The following TTC29 variants were observed in gnomAD, a reference collection of about 807,000 sequenced individuals.
TTC29 encodes tetratricopeptide repeat domain 29, also known as tetratricopeptide repeat protein 29.
In TTC29, 49 loss-of-function variants were observed where a neutral mutation model predicts 58.1. That is an observed-to-expected ratio of 0.84 (90% CI 0.67 to 1.07). TTC29 has a LOEUF of 1.07. TTC29 is among the 50% of genes least tolerant of loss of function. TTC29 has a pLI of 0.00. For missense variants in TTC29, 582 were observed against 555.6 expected, an observed-to-expected ratio of 1.05 and a Z score of -0.48; for synonymous variants, 209 against 196.8, an observed-to-expected ratio of 1.06 and a Z score of -0.52.
At chr4:146,837,485 C>T (rs1728587683) in intron 8 of TTC29, among the ~76,000 whole-genome samples, 1 of 152,030 alleles carries the variant, frequency 6.6e-6, no homozygotes, top group Non-Finnish European at 1.5e-5. Flanking sequence ...ACATGTACCG[C>T]TGAACTTAAA....
chr4:146,837,452 G>A (rs543142043), intron 8 of TTC29, among the ~76,000 whole-genome samples: 14 of 152,126 alleles, frequency 9.2e-5, no homozygotes, highest in Non-Finnish European at 1.9e-4. Flanking sequence ...TGTGACACAA[G>A]TCTACCTATA....
intron 6 of TTC29, among the ~76,000 whole-genome samples, chr4:146,885,470 GTATC>G (rs1731920113): frequency 6.6e-6 from 1 of 151,756 alleles, no homozygotes; most frequent in Non-Finnish European, 1.5e-5. Context: ...AATTTTCTAC[GTATC>G]TAGATTATTT....
chr4:146,836,111 A>T (rs1421431212), intron 8 of TTC29, among the ~76,000 whole-genome samples: 8 of 152,142 alleles, frequency 5.3e-5, no homozygotes, highest in Non-Finnish European at 1.0e-4. Context: ...TAAAAAAGAA[A>T]ATCTACTTCT....
At chr4:146,770,345 C>A (rs1747639436) in intron 11 of TTC29, among the ~76,000 whole-genome samples, 1 of 151,864 alleles carries the variant, frequency 6.6e-6, no homozygotes, top group South Asian at 2.1e-4. Flanking sequence ...AATGTCCACA[C>A]TGCCAGGAAC....
chr4:146,760,821 CTA>C (rs551615845), intron 11 of TTC29, among the ~76,000 whole-genome samples: 12 of 139,924 alleles, frequency 8.6e-5, no homozygotes, highest in South Asian at 4.5e-4. Context: ...TGATGGAATA[CTA>C]TATATATATA....
intron 8 of TTC29, among the ~76,000 whole-genome samples, chr4:146,847,850 C>T (rs188207149): frequency 6.6e-6 from 1 of 152,300 alleles, no homozygotes; most frequent in African/African-American, 2.4e-5. Flanking sequence ...TGTCTTCACT[C>T]GCATACCTGC....
At chr4:146,831,419 T>TAAAAG (rs1728151862) in intron 9 of TTC29, among the ~76,000 whole-genome samples, 1 of 152,140 alleles carries the variant, frequency 6.6e-6, no homozygotes, top group Non-Finnish European at 1.5e-5. Context: ...ATAAAAAGAA[T>TAAAAG]TAGTTTACTT....
At chr4:146,860,527 ACT>A (rs1730159180) in intron 8 of TTC29, among the ~76,000 whole-genome samples, 1 of 152,116 alleles carries the variant, frequency 6.6e-6, no homozygotes. Flanking sequence ...TCCTATATTC[ACT>A]GTTTCTTCCT....
intron 4 of TTC29, among the ~76,000 whole-genome samples, chr4:146,931,670 CT>C (rs929046011): frequency 2.6e-5 from 4 of 152,132 alleles, no homozygotes; most frequent in African/African-American, 9.7e-5. Context: ...TTAGAGACAT[CT>C]TTTTTTAATG....
intron 11 of TTC29, among the ~76,000 whole-genome samples, chr4:146,757,515 T>C (rs1245774838): frequency 6.6e-6 from 1 of 152,172 alleles, no homozygotes; most frequent in Non-Finnish European, 1.5e-5. Context: ...CACACTGTCA[T>C]CAGGTTATCC....
At chr4:146,790,125 G>C (rs760496108) in intron 11 of TTC29, among the ~76,000 whole-genome samples, 14 of 151,444 alleles carry the variant, frequency 9.2e-5, no homozygotes, top group Non-Finnish European at 1.6e-4. Context: ...CTTCTCTTCA[G>C]ACTCCTCAAA....
At chr4:146,707,411 G>T in intron 12 of TTC29, 74 bp downstream of exon 12, 1 of 1,088,810 alleles carries the variant, frequency 9.2e-7, no homozygotes, top group Non-Finnish European at 1.4e-6. Flanking sequence ...TTTTGTGTTT[G>T]GAGAATGAGA....
chr4:146,804,570 G>C (rs1220937999), intron 10 of TTC29, among the ~76,000 whole-genome samples: 1 of 152,144 alleles, frequency 6.6e-6, no homozygotes, highest in Non-Finnish European at 1.5e-5. Context: ...CACCATTATG[G>C]AGGCTTGAGT....
In TTC29 at chr4:146,891,305, G is replaced by A. The variant is rs1168804973; in HGVS notation, c.586+12239C>T. Among the ~76,000 whole-genome samples, 66 of 152,110 alleles carry A rather than the reference G, an allele frequency of 4.3e-4. 1 individual carries two copies. The highest frequency in any genetic ancestry group is 4.3e-3 in the Admixed American group (66 of 15,256). On this transcript the variant is annotated intron_variant, in intron 6 of 12. Transcript: ENST00000325106. ...ATTTATCATTATCCACTTAAAAAAT[G>A]TTAATTACTCTTGTTTGTTTGATTT...
intron 5 of TTC29, among the ~76,000 whole-genome samples, chr4:146,905,230 T>C (rs1246014079): frequency 1.3e-5 from 2 of 152,016 alleles, no homozygotes; most frequent in East Asian, 1.9e-4. Flanking sequence ...TGTTTTGTAA[T>C]ATTTCATATT....
chr4:146,721,169 G>A (rs907177116), intron 11 of TTC29, among the ~76,000 whole-genome samples: 4 of 152,126 alleles, frequency 2.6e-5, no homozygotes, highest in Non-Finnish European at 5.9e-5. Flanking sequence ...AAGGAATAAA[G>A]TTAAATGCAT....
chr4:146,820,236 C>T lies in TTC29; in HGVS notation c.990G>A (p.Met330Ile), dbSNP rs1303907673. Residue 330 changes from methionine (M) to isoleucine (I), a missense_variant, in exon 10 of 13, where the codon ATG (methionine) becomes ATA (isoleucine). Transcript: ENST00000325106. ...IAKVLQSQGE[M>I]TEAIKYLKKF... ...TTTTCAAGTATTTAATTGCTTCTGTCATCTCTCCTTGGCTAGAATGAATGA... is the reference window on the plus strand; with the variant it reads ...TTTTCAAGTATTTAATTGCTTCTGTTATCTCTCCTTGGCTAGAATGAATGA... 6.2e-7 allele frequency: 1 copy of T among 1,611,644 alleles called. No homozygotes were observed. The highest frequency in any genetic ancestry group is 8.5e-7 in the Non-Finnish European group (1 of 1,179,554).
chr4:146,939,571 A>G (rs1736170060), intron 3 of TTC29, among the ~76,000 whole-genome samples: 1 of 152,200 alleles, frequency 6.6e-6, no homozygotes, highest in African/African-American at 2.4e-5. Flanking sequence ...TATAATTGCA[A>G]CAGGAAATAA....
intron 11 of TTC29, among the ~76,000 whole-genome samples, chr4:146,749,914 G>T (rs970536615): frequency 3.3e-5 from 5 of 152,152 alleles, no homozygotes; most frequent in African/African-American, 9.7e-5. Context: ...GAAAAAAACT[G>T]CCAGCCAAGA....
Sources: gnomAD v4.1 joint callset for allele counts (sites outside exome capture counted in the v4.1 genomes callset) on GRCh38, gnomAD v4.1.1 for gene constraint, MANE v1.5 for transcripts, NCBI Gene and HGNC (gene_info 2026-07-23, HGNC 2026-07-21) for gene names.